The following STK39 variants were observed in gnomAD, a reference collection of about 807,000 sequenced individuals.
STK39 encodes serine/threonine kinase 39, also known as STE20/SPS1-related proline-alanine-rich protein kinase.
A neutral mutation model predicts 77.8 loss-of-function variants in STK39; 20 were observed. The observed-to-expected ratio is 0.26, with a 90% CI of 0.18 to 0.37. The LOEUF (loss-of-function observed/expected upper bound fraction) is 0.37. STK39 is among the 10% of genes least tolerant of loss of function. STK39 has a pLI of 1.00. For missense variants in STK39, 479 were observed against 656.5 expected, an observed-to-expected ratio of 0.73 and a Z score of 2.95; for synonymous variants, 246 against 234.1, an observed-to-expected ratio of 1.05 and a Z score of -0.47.
intron 14 of STK39, among the ~76,000 whole-genome samples, chr2:168,053,107 C>T (rs1309726766): frequency 6.6e-6 from 1 of 152,200 alleles, no homozygotes; most frequent in East Asian, 1.9e-4. Context: ...GATTTTCCTA[C>T]TGGGCAGTTT....
At chr2:168,126,877 G>C (rs1174000025) in intron 10 of STK39, among the ~76,000 whole-genome samples, 1 of 152,082 alleles carries the variant, frequency 6.6e-6, no homozygotes, top group Non-Finnish European at 1.5e-5. Context: ...AGCAAAACAG[G>C]CCACTCTCTT....
chr2:167,995,782 A>G (rs768014002), intron 16 of STK39, among the ~76,000 whole-genome samples: 2 of 152,214 alleles, frequency 1.3e-5, no homozygotes, highest in Non-Finnish European at 2.9e-5. Flanking sequence ...TAATTCAACA[A>G]TGAACAGGTG....
intron 12 of STK39, among the ~76,000 whole-genome samples, chr2:168,071,345 C>T (rs1250515507): frequency 6.6e-6 from 1 of 152,046 alleles, no homozygotes; most frequent in Admixed American, 6.6e-5. Flanking sequence ...ACACAAACTT[C>T]CATGTTTTTC....
At chr2:168,109,064 G>A (rs1687054072) in intron 10 of STK39, among the ~76,000 whole-genome samples, 1 of 152,130 alleles carries the variant, frequency 6.6e-6, no homozygotes, top group Admixed American at 6.5e-5. Flanking sequence ...AACCTCTACT[G>A]AACAGAGTGT....
intron 2 of STK39, among the ~76,000 whole-genome samples, chr2:168,179,453 T>G (rs191596144): frequency 1.6e-4 from 23 of 145,518 alleles, no homozygotes; most frequent in African/African-American, 5.6e-4. Flanking sequence ...CCATAGCCAT[T>G]TCCCCCCTCT....
At chr2:168,241,610 G>GA (rs1322110207) in intron 1 of STK39, among the ~76,000 whole-genome samples, 7 of 152,332 alleles carry the variant, frequency 4.6e-5, no homozygotes, top group Admixed American at 4.6e-4. Context: ...CCCAGCACAA[G>GA]AGTGGGAATA....
chr2:168,203,754 C>G (rs1436303560), intron 1 of STK39, among the ~76,000 whole-genome samples: 1 of 152,190 alleles, frequency 6.6e-6, no homozygotes, highest in Non-Finnish European at 1.5e-5. Flanking sequence ...CACCGTGCCC[C>G]ACTAATTTTT....
intron 14 of STK39, among the ~76,000 whole-genome samples, chr2:168,033,386 G>A (rs145195824): frequency 7.2e-5 from 11 of 152,280 alleles, no homozygotes; most frequent in Non-Finnish European, 1.2e-4. Context: ...AGAGACTTCC[G>A]GCTACGAAAC....
intron 16 of STK39, among the ~76,000 whole-genome samples, chr2:167,978,129 G>C (rs1683328826): frequency 6.6e-6 from 1 of 152,156 alleles, no homozygotes; most frequent in Non-Finnish European, 1.5e-5. Flanking sequence ...ACCGATCTTA[G>C]GTTTTACAAT....
intron 14 of STK39, among the ~76,000 whole-genome samples, chr2:168,052,034 G>C (rs1408959170): frequency 6.6e-6 from 1 of 151,500 alleles, no homozygotes; most frequent in Middle Eastern, 3.2e-3. Context: ...ACCAAAGAAG[G>C]CTCTGTGGAT....
intron 14 of STK39, among the ~76,000 whole-genome samples, chr2:168,046,805 A>C (rs1252701585): frequency 6.6e-6 from 1 of 152,248 alleles, no homozygotes; most frequent in Non-Finnish European, 1.5e-5. Context: ...GATAAAGGTG[A>C]AACTGCATAA....
chr2:168,189,480 G>T (rs1220399225), intron 1 of STK39, among the ~76,000 whole-genome samples: 1 of 151,502 alleles, frequency 6.6e-6, no homozygotes, highest in Non-Finnish European at 1.5e-5. Flanking sequence ...TGTGGATTGG[G>T]ATACCTAATA....
chr2:168,140,772 A>C lies in STK39; in HGVS notation c.629-14T>G, dbSNP rs1687960778. 1.9e-6 allele frequency: 3 copies of C among 1,564,668 alleles called. No individual in the cohort carries two copies. The highest frequency in any genetic ancestry group is 2.6e-6 in the Non-Finnish European group (3 of 1,153,780). On this transcript the variant is annotated splice_polypyrimidine_tract_variant and intron_variant, in intron 5 of 17. Transcript: ENST00000355999. ...TTACCCCAAAATCTGAAAGGGAAAA[A>C]AAAATCACCTTTATTTTATGTAAGA...
chr2:168,034,698 G>C (rs1024705251), intron 14 of STK39, among the ~76,000 whole-genome samples: 14 of 152,176 alleles, frequency 9.2e-5, no homozygotes, highest in Admixed American at 4.6e-4. Context: ...TGTTATTATG[G>C]ATCGGTCACG....
At chr2:167,990,139 T>A (rs1187867604) in intron 16 of STK39, among the ~76,000 whole-genome samples, 1 of 151,732 alleles carries the variant, frequency 6.6e-6, no homozygotes, top group Non-Finnish European at 1.5e-5. Context: ...GACAATGAGA[T>A]TTTTTCACGA....
At position 168,059,399 on chromosome 2, in the gene STK39, G is replaced by A. The variant is rs1392750978; in HGVS notation, c.1376+4101C>T. Among the ~76,000 whole-genome samples, 4 of 152,288 alleles carry A rather than the reference G, an allele frequency of 2.6e-5. No homozygotes were observed. In the East Asian group the frequency reaches 7.7e-4, roughly 29 times the overall value. On this transcript the variant is annotated intron_variant, in intron 14 of 17. Transcript: ENST00000355999. The stretch of plus-strand genomic sequence containing the variant: ...CAAAAAGGAGATTATCCTAGGTGAG[G>A]CCTGCTTAATCAGGTGAAAAACCTT...
intron 16 of STK39, among the ~76,000 whole-genome samples, chr2:168,011,246 C>CAGA (rs1684263171): frequency 6.6e-6 from 1 of 151,268 alleles, no homozygotes; most frequent in African/African-American, 2.5e-5. Flanking sequence ...TTGCAGTGGG[C>CAGA]CGAGATTACA....
At chr2:168,088,975 T>C (rs539733103) in intron 10 of STK39, among the ~76,000 whole-genome samples, 47 of 152,236 alleles carry the variant, frequency 3.1e-4, no homozygotes, top group Non-Finnish European at 6.2e-4. Flanking sequence ...ACAGCCTTTC[T>C]TTCTCAGTTG....
intron 16 of STK39, among the ~76,000 whole-genome samples, chr2:167,991,428 A>G (rs535588080): frequency 6.6e-6 from 1 of 152,284 alleles, no homozygotes; most frequent in South Asian, 2.1e-4. Context: ...CTGTAAAATG[A>G]ATTTATCTGA....
Sources: gnomAD v4.1 joint callset for allele counts (sites outside exome capture counted in the v4.1 genomes callset) on GRCh38, gnomAD v4.1.1 for gene constraint, MANE v1.5 for transcripts, NCBI Gene and HGNC (gene_info 2026-07-23, HGNC 2026-07-21) for gene names.